KPNA6: variants seen among roughly 807,000 people sequenced by gnomAD.
KPNA6 encodes the protein importin subunit alpha-7.
A neutral mutation model predicts 72.0 loss-of-function variants in KPNA6; 9 were observed. The ratio of observed to expected loss-of-function variants is 0.13; its 90% CI spans 0.08 to 0.22. KPNA6 has a LOEUF of 0.22. KPNA6 is among the 10% of genes least tolerant of loss of function. The probability of loss-of-function intolerance (pLI) is 1.00; values close to 1 mark genes in which losing one functional copy is unlikely to be tolerated. For missense variants in KPNA6, 374 were observed against 655.7 expected, an observed-to-expected ratio of 0.57 and a Z score of 4.69; for synonymous variants, 219 against 242.1, an observed-to-expected ratio of 0.90 and a Z score of 0.89.
intron 1 of KPNA6, among the ~76,000 whole-genome samples, chr1:32,127,980 TAC>T (rs763124534): frequency 2.0e-5 from 3 of 152,060 alleles, no homozygotes; most frequent in African/African-American, 7.2e-5. Context: ...CACACACACA[TAC>T]ACACACACAA....
chr1:32,133,574 C>G (rs933503777), intron 1 of KPNA6, among the ~76,000 whole-genome samples: 1 of 151,608 alleles, frequency 6.6e-6, no homozygotes, highest in African/African-American at 2.4e-5. Flanking sequence ...GCCTGTGGTC[C>G]CAGCTGTGTG....
chr1:32,144,744 A>G (rs1641901180), intron 1 of KPNA6, among the ~76,000 whole-genome samples: 1 of 151,844 alleles, frequency 6.6e-6, no homozygotes, highest in South Asian at 2.1e-4. Context: ...TCCACCTTCC[A>G]GGTACAAGCA....
chr1:32,167,096 T>G, intron 11 of KPNA6, 73 bp from the exon 12 acceptor site: 2 of 1,556,450 alleles, frequency 1.3e-6, no homozygotes, highest in Non-Finnish European at 1.8e-6. Context: ...CTCAGCTGAT[T>G]TGGGGACTAG....
chr1:32,161,709 C>T (rs763550600), intron 7 of KPNA6, among the ~76,000 whole-genome samples: 3 of 152,164 alleles, frequency 2.0e-5, no homozygotes, highest in Non-Finnish European at 2.9e-5. Context: ...CAGATCTAGC[C>T]CTCTGTTTCG....
In KPNA6 at chr1:32,173,173, TAAAAAAAAA is replaced by T. The variant is rs60616241; in HGVS notation, c.*2292_*2300del. The T allele has an allele frequency of 3.1e-6, 1 of 319,152 alleles. No individual in the cohort carries two copies. The highest frequency in any genetic ancestry group is 6.4e-5 in the Admixed American group (1 of 15,558). 19.8% of individuals were successfully genotyped at this position (319,152 alleles called of 1,614,324 possible). ...ATTAAAAAACCATTCTCTTACAGTT[TAAAAAAAAA>T]AAAAAAAAAAAAGCCTTCCCCTACC... On this transcript the variant is annotated 3_prime_UTR_variant, in exon 14 of 14. Coordinates refer to ENST00000373625, the MANE Select transcript of KPNA6 (RefSeq NM_012316.5).
intron 1 of KPNA6, among the ~76,000 whole-genome samples, chr1:32,125,999 A>AAC (rs1553126734): frequency 2.3e-3 from 344 of 151,026 alleles, no homozygotes; most frequent in African/African-American, 8.2e-3. Context: ...AAAAAAAAAA[A>AAC]AACCTGTCCT....
intron 12 of KPNA6, among the ~76,000 whole-genome samples, chr1:32,169,108 TG>T (rs1223779275): frequency 6.7e-6 from 1 of 149,314 alleles, no homozygotes; most frequent in African/African-American, 2.5e-5. Flanking sequence ...GGCTCACACC[TG>T]TAATCCCAGC....
At chr1:32,112,575 C>T (rs1487809304) in intron 1 of KPNA6, among the ~76,000 whole-genome samples, 1 of 152,102 alleles carries the variant, frequency 6.6e-6, no homozygotes, top group African/African-American at 2.4e-5. Context: ...TCACTGCAAC[C>T]TCCGCTTCCT....
chr1:32,151,494 A>T (rs1642031675), intron 1 of KPNA6, among the ~76,000 whole-genome samples: 1 of 152,058 alleles, frequency 6.6e-6, no homozygotes, highest in Non-Finnish European at 1.5e-5. Flanking sequence ...CAGATTTCCC[A>T]ATTTTTTTTT....
In KPNA6 at chr1:32,174,675, G is replaced by A. The variant is rs534155997; in HGVS notation, c.*3781G>A. 1.3e-5 allele frequency: 2 copies of A among 152,278 alleles called. No individual in the cohort carries two copies. The highest frequency in any genetic ancestry group is 4.1e-4 in the South Asian group (2 of 4,828). 9.4% of individuals were successfully genotyped at this position (152,278 alleles called of 1,614,324 possible). On this transcript the variant is annotated 3_prime_UTR_variant, in exon 14 of 14. Coordinates refer to ENST00000373625, the MANE Select transcript of KPNA6 (RefSeq NM_012316.5). ...TTCCAGACTCTCAGCTGAAGACAGG[G>A]AGCCAATTTCCCCCAGGTCCCTGCA... is the stretch of plus-strand genomic sequence containing the variant.
chr1:32,109,798 C>T (rs767656514), intron 1 of KPNA6, among the ~76,000 whole-genome samples: 1 of 151,902 alleles, frequency 6.6e-6, no homozygotes, highest in Admixed American at 6.6e-5. Context: ...GTGCCCGCCA[C>T]CACGCCTGGA....
chr1:32,159,537 G>A lies in KPNA6; in HGVS notation c.558+6G>A, dbSNP rs1401553029. 1.9e-6 allele frequency: 3 copies of A among 1,612,998 alleles called. No homozygotes were observed. Among genetic ancestry groups the A allele is most frequent in the South Asian group, 1.1e-5 (1 of 90,934 alleles). On this transcript the variant is annotated splice_donor_region_variant and intron_variant, in intron 6 of 13. Transcript: ENST00000373625. ...TTGAGGATGTTCAGGAACAGGTAATGCTTAGATTTGGTGTGATTCTTTATA... is the reference window on the plus strand; with the variant it reads ...TTGAGGATGTTCAGGAACAGGTAATACTTAGATTTGGTGTGATTCTTTATA...
intron 4 of KPNA6, 50 bp from the exon 5 acceptor site, chr1:32,158,217 A>G (rs1642177427): frequency 8.0e-7 from 1 of 1,246,172 alleles, no homozygotes; most frequent in Admixed American, 1.8e-5. Context: ...CCATGAAGGG[A>G]TCAGCAAAAG....
Position 32,172,980 on chromosome 1 carries a change from T to G in KPNA6, c.*2086T>G. ...GCAGTCCCACTTCAAAGCCATTTTC[T>G]GAGGAGGATGGTTTAGGTCTGGCAA... On this transcript the variant is annotated 3_prime_UTR_variant, in exon 14 of 14. Coordinates refer to ENST00000373625, the MANE Select transcript of KPNA6 (RefSeq NM_012316.5). 2.5e-6 allele frequency: 1 copy of G among 398,144 alleles called. No homozygotes were observed. The highest frequency in any genetic ancestry group is 4.4e-6 in the Non-Finnish European group (1 of 225,854). 24.7% of individuals were successfully genotyped at this position (398,144 alleles called of 1,614,324 possible). A position where few individuals can be genotyped will look rare whatever the true frequency, so the allele number is the denominator to read the frequency against.
intron 2 of KPNA6, among the ~76,000 whole-genome samples, chr1:32,156,278 G>C (rs1343145667): frequency 6.6e-6 from 1 of 151,842 alleles, no homozygotes; most frequent in African/African-American, 2.4e-5. Context: ...CACAGTGGAT[G>C]CCTGAAACTG....
intron 1 of KPNA6, among the ~76,000 whole-genome samples, chr1:32,153,789 A>G (rs1642083631): frequency 6.6e-6 from 1 of 152,166 alleles, no homozygotes; most frequent in Admixed American, 6.5e-5. Context: ...ATGGAAGACA[A>G]CTTTGGCACT....
chr1:32,143,496 C>CT (rs1400941751), intron 1 of KPNA6, among the ~76,000 whole-genome samples: 1 of 149,632 alleles, frequency 6.7e-6, no homozygotes, highest in African/African-American at 2.5e-5. Context: ...TCACTTGAAT[C>CT]TGGGAGGTGG....
chr1:32,124,836 G>A (rs1051614454), intron 1 of KPNA6, among the ~76,000 whole-genome samples: 33 of 149,366 alleles, frequency 2.2e-4, no homozygotes, highest in Non-Finnish European at 3.7e-4. Context: ...AGCTGTTTGC[G>A]TTTAACTTAT....
At chr1:32,169,706 C>G (rs976070809) in intron 12 of KPNA6, among the ~76,000 whole-genome samples, 176 bp from the exon 13 acceptor site, 1 of 151,464 alleles carries the variant, frequency 6.6e-6, no homozygotes, top group Non-Finnish European at 1.5e-5. Context: ...GTGATCCGCC[C>G]ACCTCAGCCT....
Sources: gnomAD v4.1 joint callset for allele counts (sites outside exome capture counted in the v4.1 genomes callset) on GRCh38, gnomAD v4.1.1 for gene constraint, MANE v1.5 for transcripts, NCBI Gene and HGNC (gene_info 2026-07-23, HGNC 2026-07-21) for gene names.